HPSE2: variants seen among roughly 807,000 people sequenced by gnomAD.
HPSE2 encodes the protein heparanase 2 (inactive), also known as inactive heparanase-2.
In HPSE2, 38 loss-of-function variants were observed where a neutral mutation model predicts 60.5. That is an observed-to-expected ratio of 0.63 (90% CI 0.48 to 0.82). HPSE2 has a LOEUF of 0.82. Among genes scored for constraint, HPSE2 ranks in the 40% least tolerant of loss-of-function variants. The probability of loss-of-function intolerance (pLI) is 0.00; values close to 1 mark genes in which losing one functional copy is unlikely to be tolerated. For synonymous variants in HPSE2, 295 were observed against 293.2 expected, an observed-to-expected ratio of 1.01 and a Z score of -0.06; for missense variants, 713 against 740.4, an observed-to-expected ratio of 0.96 and a Z score of 0.43.
chr10:98,529,612 T>C (rs1055092759), intron 9 of HPSE2, among the ~76,000 whole-genome samples: 1 of 152,202 alleles, frequency 6.6e-6, no homozygotes, highest in African/African-American at 2.4e-5. Context: ...TAATCTCTGA[T>C]ATGACTATTT....
intron 2 of HPSE2, among the ~76,000 whole-genome samples, chr10:99,215,644 T>C (rs150367630): frequency 6.6e-6 from 1 of 152,250 alleles, no homozygotes; most frequent in East Asian, 1.9e-4. Context: ...TTAAAAAGCG[T>C]CACAAACGAC....
At chr10:98,960,730 T>TG (rs373800370) in intron 3 of HPSE2, among the ~76,000 whole-genome samples, 508 of 24,362 alleles carry the variant, frequency 0.021, 5 homozygotes, top group Non-Finnish European at 0.032. Flanking sequence ...TGTTTTATTT[T>TG]TTTTATTTTA....
intron 9 of HPSE2, among the ~76,000 whole-genome samples, chr10:98,597,936 A>C (rs1589478805): frequency 7.6e-6 from 1 of 131,672 alleles, no homozygotes; most frequent in South Asian, 2.4e-4. Flanking sequence ...ATGCCACTGC[A>C]CTCCAGCCTG....
chr10:98,990,124 A>C (rs2135338114), intron 3 of HPSE2, among the ~76,000 whole-genome samples: 1 of 152,304 alleles, frequency 6.6e-6, no homozygotes, highest in African/African-American at 2.4e-5. Flanking sequence ...GCAGCTGTAC[A>C]ACTCAAGTAC....
At chr10:98,910,080 C>T (rs1953937968) in intron 3 of HPSE2, among the ~76,000 whole-genome samples, 1 of 152,244 alleles carries the variant, frequency 6.6e-6, no homozygotes, top group African/African-American at 2.4e-5. Context: ...AAAATAATAG[C>T]TAACTGTGCT....
chr10:98,568,989 T>C (rs1183164426), intron 9 of HPSE2, among the ~76,000 whole-genome samples: 4 of 152,302 alleles, frequency 2.6e-5, no homozygotes, highest in African/African-American at 9.6e-5. Context: ...CTAAAAACCA[T>C]TGAATCATAC....
chr10:98,857,159 G>A (rs1207824631), intron 3 of HPSE2, among the ~76,000 whole-genome samples: 1 of 151,988 alleles, frequency 6.6e-6, no homozygotes, highest in East Asian at 1.9e-4. Flanking sequence ...GGGGTCTTTG[G>A]GCTAATTCAT....
the HPSE2 span, among the ~76,000 whole-genome samples, chr10:99,313,804 G>C: frequency 6.6e-6 from 1 of 151,404 alleles, no homozygotes; most frequent in Non-Finnish European, 1.5e-5. Flanking sequence ...GTTTCACCAC[G>C]TTGGCCAGGA....
intron 9 of HPSE2, among the ~76,000 whole-genome samples, chr10:98,544,752 A>G (rs1171228446): frequency 6.7e-6 from 1 of 149,992 alleles, no homozygotes; most frequent in African/African-American, 2.4e-5. Context: ...GAACTAGAGA[A>G]GCAAGAGCAA....
At chr10:98,670,771 A>T (rs965569475) in intron 6 of HPSE2, among the ~76,000 whole-genome samples, 1 of 152,166 alleles carries the variant, frequency 6.6e-6, no homozygotes, top group African/African-American at 2.4e-5. Context: ...GTTTCTCTCT[A>T]CCAGTGCATG....
intron 6 of HPSE2, among the ~76,000 whole-genome samples, chr10:98,651,871 C>T (rs1176483172): frequency 6.6e-6 from 1 of 151,342 alleles, no homozygotes; most frequent in Non-Finnish European, 1.5e-5. Flanking sequence ...CTACTGGGTT[C>T]AAGCAATTCT....
chr10:99,091,517 T>C (rs1843512674), intron 3 of HPSE2, among the ~76,000 whole-genome samples: 1 of 152,170 alleles, frequency 6.6e-6, no homozygotes, highest in African/African-American at 2.4e-5. Context: ...CTACTTGCTA[T>C]GATTTTGAAC....
intron 2 of HPSE2, among the ~76,000 whole-genome samples, chr10:99,152,983 G>C (rs1356267928): frequency 1.3e-5 from 2 of 152,346 alleles, no homozygotes; most frequent in African/African-American, 4.8e-5. Flanking sequence ...TCAAAGAAAG[G>C]GGTGACAGAG....
In HPSE2 at chr10:98,887,506, G is replaced by A. The variant is rs1046753919; in HGVS notation, c.611-143450C>T. Among the ~76,000 whole-genome samples, 40 of 152,100 alleles carry A rather than the reference G, an allele frequency of 2.6e-4. 1 individual carries two copies. Among genetic ancestry groups the A allele is most frequent in the Non-Finnish European group, 1.5e-5 (1 of 68,014 alleles). On this transcript the variant is annotated intron_variant, in intron 3 of 11. Coordinates refer to ENST00000370552, the MANE Select transcript of HPSE2 (RefSeq NM_021828.5). ...TGAGGAAGCAAGAAGGGTATACAGA[G>A]AAGCATTATGAAAGCCATAGGGCCA... is the stretch of plus-strand genomic sequence containing the variant.
chr10:99,235,710 C>T lies in HPSE2; in HGVS notation c.93G>A (p.Leu31=). ...CLAPGALYLA[L]LLHLSLSSQA... ...GGGAGGAAAGGGAGAGATGGAGCAA[C>T]AGAGCCAAGTAGAGAGCCCCCGGGG... is the stretch of plus-strand genomic sequence containing the variant. The change falls in exon 1 of 12, where the codon CTG becomes CTA. Residue 31 remains leucine (L), a synonymous_variant. Coordinates refer to ENST00000370552, the MANE Select transcript of HPSE2 (RefSeq NM_021828.5). 6.2e-7 allele frequency: 1 copy of T among 1,614,054 alleles called. No individual in the cohort carries two copies. Among genetic ancestry groups the T allele is most frequent in the Non-Finnish European group, 8.5e-7 (1 of 1,180,034 alleles).
At chr10:98,462,959 C>CTT (rs56061368) in intron 11 of HPSE2, among the ~76,000 whole-genome samples, 8 of 146,594 alleles carry the variant, frequency 5.5e-5, no homozygotes, top group Non-Finnish European at 1.1e-4. Context: ...CTTATCTCTG[C>CTT]TTTTTTTTTT....
intron 3 of HPSE2, among the ~76,000 whole-genome samples, chr10:99,039,700 C>T (rs1957693227): frequency 6.6e-6 from 1 of 151,878 alleles, no homozygotes. Context: ...TCAATAAGAT[C>T]ATCATATTGC....
the HPSE2 span, among the ~76,000 whole-genome samples, chr10:99,260,584 A>T: frequency 6.6e-6 from 1 of 152,164 alleles, no homozygotes; most frequent in Non-Finnish European, 1.5e-5. Flanking sequence ...CCTCTCTAGT[A>T]GAGACAAGAG....
At chr10:99,240,078 A>G (rs936785091), upstream of HPSE2, among the ~76,000 whole-genome samples, 1 of 151,802 alleles carries the variant, frequency 6.6e-6, no homozygotes, top group African/African-American at 2.4e-5. Flanking sequence ...AATCCCAACT[A>G]CTCAGAAGGC....
Sources: gnomAD v4.1 joint callset for allele counts (sites outside exome capture counted in the v4.1 genomes callset) on GRCh38, gnomAD v4.1.1 for gene constraint, MANE v1.5 for transcripts, NCBI Gene and HGNC (gene_info 2026-07-23, HGNC 2026-07-21) for gene names.